The following EMC1 variants were observed in gnomAD, a reference collection of about 807,000 sequenced individuals.
EMC1 encodes KIAA0090.
Under a neutral mutation model 128.8 loss-of-function variants are expected in EMC1, and 103 were observed. The observed-to-expected ratio is 0.80, with a 90% confidence interval of 0.68 to 0.94. The LOEUF is 0.94. EMC1 is among the 40% of genes least tolerant of loss of function. The probability of loss-of-function intolerance (pLI) is 0.00; values close to 1 mark genes in which losing one functional copy is unlikely to be tolerated. For missense variants in EMC1, 1,083 were observed against 1,250.6 expected (o/e 0.87, Z 2.02); for synonymous variants, 442 against 490.4 (o/e 0.90, Z 1.30).
At chr1:19,221,637 A>C (rs1381618151) in intron 20 of EMC1, 1 of 147,452 alleles carries the variant, frequency 6.8e-6, no homozygotes, top group Non-Finnish European at 1.5e-5. Flanking sequence ...CTCTGTCTCA[A>C]AAAAAAAAAA....
rs1448087008 is a variant in EMC1 at position 19,244,003 on chromosome 1, A to G, written c.233T>C (p.Val78Ala). The change falls in exon 3 of 23, where the codon GTT becomes GCT. Residue 78 changes from valine (V) to alanine (A), a missense_variant. Transcript: ENST00000477853. ...AGCCCCTTCTGCCGTGCCCTTGTCAACATGGCGCCACACTGAGAGACATGA... is the reference window on the plus strand; with the variant it reads ...AGCCCCTTCTGCCGTGCCCTTGTCAGCATGGCGCCACACTGAGAGACATGA... Reference protein sequence around the residue: ...SRTGEILWRHVDKGTAEGAVD... With the variant: ...SRTGEILWRHADKGTAEGAVD... 2 of 1,614,142 alleles carry G rather than the reference A, an allele frequency of 1.2e-6. No homozygotes were observed. The highest frequency in any genetic ancestry group is 1.7e-6 in the Non-Finnish European group (2 of 1,180,022).
chr1:19,226,016 T>G (rs1333577509), intron 18 of EMC1, among the ~76,000 whole-genome samples: 1 of 152,122 alleles, frequency 6.6e-6, no homozygotes, highest in Non-Finnish European at 1.5e-5. Flanking sequence ...GAGCCAAGTC[T>G]TAACAGTCAA....
Position 19,230,965 on chromosome 1 carries a change from T to C in EMC1, c.1945-2A>G, listed in dbSNP as rs548721532. 6.2e-7 allele frequency: 1 copy of C among 1,613,580 alleles called. No homozygotes were observed. Among genetic ancestry groups the C allele is most frequent in the African/African-American group, 1.3e-5 (1 of 75,000 alleles). On this transcript the variant is annotated splice_acceptor_variant, in intron 16 of 22. Transcript: ENST00000477853. LOFTEE classifies it high-confidence loss of function. ...CCGAGTGGCTGGAAAAGCTGTGACC[T>C]TGAAAAACCCAGAGAGCCCAAGGAA... is the stretch of plus-strand genomic sequence containing the variant.
intron 1 of EMC1, among the ~76,000 whole-genome samples, chr1:19,251,124 G>C: frequency 6.6e-6 from 1 of 152,160 alleles, no homozygotes; most frequent in East Asian, 1.9e-4. Flanking sequence ...AACCTGACGA[G>C]GGAGGACGGG....
chr1:19,239,590 G>T, intron 8 of EMC1: 1 of 586,340 alleles, frequency 1.7e-6, no homozygotes, highest in Non-Finnish European at 3.0e-6. Context: ...TATTTCCTTT[G>T]GACTAAGGAA....
rs759788442 is a variant in EMC1, at chr1:19,251,488, G to A, written c.22C>T (p.Arg8Cys). MAAEWAS[R>C]FWLWATLLIP... is the part of the protein sequence containing the mutation. ...AGCAGCGTAGCCCAAAGCCAGAAAC[G>A]AGAAGCCCACTCAGCCGCCATGATG... The change falls in exon 1 of 23, where the codon CGT (arginine) becomes TGT (cysteine). Residue 8 changes from arginine to cysteine, a missense_variant. Arg to Cys is a radical substitution (Grantham distance 180). Around this residue, in one of 3 missense-constraint regions of EMC1, gnomAD observed 544 missense variants for 572.4 expected, o/e 0.95. Coordinates refer to ENST00000477853, the MANE Select transcript of EMC1 (RefSeq NM_015047.3). The A allele has an allele frequency of 3.0e-5, 49 of 1,614,008 alleles. No individual in the cohort carries two copies. The South Asian group carries it at 5.2e-4, about 17-fold the overall frequency.
At chr1:19,231,083 G>C (rs1353305730) in intron 16 of EMC1, 120 bp from the exon 17 acceptor site, 8 of 1,398,216 alleles carry the variant, frequency 5.7e-6, no homozygotes, top group Non-Finnish European at 7.9e-6. Context: ...ATTCAGTTCT[G>C]TTAAGAACCT....
Position 19,227,387 on chromosome 1 carries a change from C to A in EMC1, c.2128G>T (p.Val710Leu). ...IPPEVQRIVK[V>L]KGKRSSEHVH... is the part of the protein sequence containing the mutation. ...TGCTCACTGCTGCGTTTCCCCTTCACCTTGACGATCCGCTGTACTTCTGGG... is the reference window on the plus strand; with the variant it reads ...TGCTCACTGCTGCGTTTCCCCTTCAACTTGACGATCCGCTGTACTTCTGGG... The change falls in exon 18 of 23, where the codon GTG becomes TTG. Residue 710 changes from valine to leucine, a missense_variant. Around this residue, in one of 3 missense-constraint regions of EMC1, gnomAD observed 527 missense variants for 644.1 expected, o/e 0.82. Transcript: ENST00000477853. 4 of 1,614,202 alleles carry A rather than the reference C, an allele frequency of 2.5e-6. No homozygotes were observed. The highest frequency in any genetic ancestry group is 3.4e-6 in the Non-Finnish European group (4 of 1,180,040).
In EMC1 at chr1:19,238,020, CT is replaced by C. The variant is rs1206512545; in HGVS notation, c.1208del (p.Glu403GlyfsTer9). On this transcript the variant is annotated frameshift_variant, in exon 11 of 23. Transcript: ENST00000477853. LOFTEE classifies it high-confidence loss of function. ...FSLEQSGTRP[E>X]RLYIQVFLKK... is the part of the protein sequence containing the mutation. ...GCAAAGAAAGGCTCTGCCTTACCCGCTCAGGCCGAGTGCCGCTCTGTTCCAG... is the reference window on the plus strand; with the variant it reads ...GCAAAGAAAGGCTCTGCCTTACCCGCCAGGCCGAGTGCCGCTCTGTTCCAG... 1 of 1,613,602 alleles carries C rather than the reference CT, an allele frequency of 6.2e-7. No individual in the cohort carries two copies. The highest frequency in any genetic ancestry group is 1.1e-5 in the South Asian group (1 of 90,908).
At position 19,219,120 on chromosome 1, in the gene EMC1, G is replaced by A. The variant is rs1387418061; in HGVS notation, c.*183C>T. 6.0e-5 allele frequency: 36 copies of A among 596,270 alleles called. No individual in the cohort carries two copies. The highest frequency in any genetic ancestry group is 1.0e-4 in the Non-Finnish European group (35 of 336,634). The allele number at this position is 596,270 out of a possible 1,614,324, so 36.9% of individuals were successfully genotyped here. A position where few individuals can be genotyped will look rare whatever the true frequency, so the allele number is the denominator to read the frequency against. ...GAGAGTTCTGTCTCTCTCCATGTAG[G>A]ATCCTTTCTGCATCATGTATATCCC... On this transcript the variant is annotated 3_prime_UTR_variant, in exon 23 of 23. Coordinates refer to ENST00000477853, the MANE Select transcript of EMC1 (RefSeq NM_015047.3).
At position 19,219,554 on chromosome 1, in the gene EMC1, G is replaced by C; in HGVS notation, c.2802+15C>G. 1 of 1,614,090 alleles carries C rather than the reference G, an allele frequency of 6.2e-7. No homozygotes were observed. The highest frequency in any genetic ancestry group is 8.5e-7 in the Non-Finnish European group (1 of 1,179,980). On this transcript the variant is annotated intron_variant, in intron 22 of 22. Coordinates refer to ENST00000477853, the MANE Select transcript of EMC1 (RefSeq NM_015047.3). The stretch of plus-strand genomic sequence containing the variant: ...CCACCAAGGGTGAAATAGGGCAGCT[G>C]TGGGCTCTACTCACCAAACAAGTGG...
In EMC1 at chr1:19,220,777, T is replaced by C; in HGVS notation, c.2659A>G (p.Thr887Ala). The C allele has an allele frequency of 6.2e-7, 1 of 1,613,604 alleles. No individual in the cohort carries two copies. The highest frequency in any genetic ancestry group is 8.5e-7 in the Non-Finnish European group (1 of 1,179,840). Reference sequence around the variant, plus strand: ...TGAGGGTCTCACCTGCTTTGTTCTGTTGGGATCTCGGGGCGGCGGGGATCC... The same window carrying C: ...TGAGGGTCTCACCTGCTTTGTTCTGCTGGGATCTCGGGGCGGCGGGGATCC... ...LLDPRRPEIP[T>A]EQSREENLIP... Residue 887 changes from threonine to alanine, a missense_variant, in exon 21 of 23, where the codon ACA (threonine) becomes GCA (alanine). Transcript: ENST00000477853.
chr1:19,244,928 T>C lies in EMC1; in HGVS notation c.198A>G (p.Leu66=). The change falls in exon 2 of 23, where the codon TTA becomes TTG. Residue 66 remains leucine (L), a synonymous_variant. Coordinates refer to ENST00000477853, the MANE Select transcript of EMC1 (RefSeq NM_015047.3). ...CACAGATCTCCCCAGTTCGGGAATTTAATGCTGCAATCACATTCTTCTCTG... is the reference window on the plus strand; with the variant it reads ...CACAGATCTCCCCAGTTCGGGAATTCAATGCTGCAATCACATTCTTCTCTG... The part of the protein sequence containing the change: ...VATEKNVIAA[L]NSRTGEILWR... 1 of 1,613,884 alleles carries C rather than the reference T, an allele frequency of 6.2e-7. No individual in the cohort carries two copies. The highest frequency in any genetic ancestry group is 1.1e-5 in the South Asian group (1 of 91,078).
rs150315726 is a variant in EMC1 at position 19,231,417 on chromosome 1, C to T, written c.1788G>A (p.Ser596=). ...TGAAGACATACAGAGAACTCATTCC[C>T]GACTCCTAAAATGAGCAAACTGTCA... ...QCTLLVKDKE[S]GMSSLYVFNP... is the part of the protein sequence containing the mutation. The change falls in exon 16 of 23, where the codon TCG becomes TCA. Residue 596 remains serine (S), a synonymous_variant. Coordinates refer to ENST00000477853, the MANE Select transcript of EMC1 (RefSeq NM_015047.3). 1.6e-5 allele frequency: 25 copies of T among 1,611,622 alleles called. No homozygotes were observed. The highest frequency in any genetic ancestry group is 8.0e-5 in the African/African-American group (6 of 74,676).
intron 15 of EMC1, 95 bp from the exon 16 acceptor site, chr1:19,231,517 G>T: frequency 7.6e-7 from 1 of 1,321,180 alleles, no homozygotes; most frequent in Non-Finnish European, 1.0e-6. Flanking sequence ...CAACAACTGT[G>T]GGGGTTCTCT....
intron 17 of EMC1, among the ~76,000 whole-genome samples, chr1:19,228,205 C>CAAA (rs35109698): frequency 2.9e-5 from 3 of 101,918 alleles, no homozygotes; most frequent in East Asian, 2.6e-4. Context: ...AACTCCGGCT[C>CAAA]AAAAAAAAAA....
intron 5 of EMC1, 32 bp from the exon 6 acceptor site, chr1:19,241,174 G>C: frequency 6.2e-7 from 1 of 1,613,296 alleles, no homozygotes; most frequent in Non-Finnish European, 8.5e-7. Flanking sequence ...CGCAGCGTCA[G>C]CTTTCAACCC....
chr1:19,244,420 CT>C (rs900798660), intron 2 of EMC1, among the ~76,000 whole-genome samples: 11 of 151,506 alleles, frequency 7.3e-5, no homozygotes, highest in Non-Finnish European at 1.0e-4. Context: ...GCAGCAGCAT[CT>C]TTTTTTTTGA....
Position 19,238,811 on chromosome 1 carries a change from T to C in EMC1, c.1073A>G (p.Glu358Gly). The change falls in exon 10 of 23, where the codon GAG becomes GGG. Residue 358 changes from glutamate (E) to glycine (G), a missense_variant. By Grantham distance (98) the Glu-to-Gly change is moderately conservative (BLOSUM62 -2). This residue lies in a region of EMC1 where 544 missense variants were observed against 572.4 expected (regional missense o/e 0.95). Transcript: ENST00000477853. Reference protein sequence around the residue: ...SEDGSMGSFSEKSSSKDSLAC... With the variant: ...SEDGSMGSFSGKSSSKDSLAC... ...ACACCATACCTTTGAACTAGACTTC[T>C]CCGAAAAGCTCCCCATTGACCCATC... 3 of 1,611,004 alleles carry C rather than the reference T, an allele frequency of 1.9e-6. No homozygotes were observed. Among genetic ancestry groups the C allele is most frequent in the Non-Finnish European group, 2.5e-6 (3 of 1,177,236 alleles).
Sources: allele counts gnomAD v4.1 joint callset (sites outside exome capture counted in the v4.1 genomes callset), GRCh38; gene constraint gnomAD v4.1.1; regional missense constraint gnomAD v4.1.1; transcripts MANE v1.5; gene names NCBI Gene and HGNC (gene_info 2026-07-23, HGNC 2026-07-21).